DIS3L2: variants seen among roughly 807,000 people sequenced by gnomAD.
DIS3L2 encodes the protein DIS3-like exonuclease 2.
DIS3L2 carries 34 observed loss-of-function variants against 97.5 expected under a neutral mutation model. The ratio of observed to expected loss-of-function variants is 0.35; its 90% CI spans 0.27 to 0.46. The LOEUF is 0.46. DIS3L2 is among the 20% of genes least tolerant of loss of function. DIS3L2 has a pLI of 1.00. For missense variants in DIS3L2, 1,038 were observed against 1,146.0 expected (o/e 0.91, Z 1.36); for synonymous variants, 435 against 445.2 (o/e 0.98, Z 0.29).
Position 232,087,559 on chromosome 2 carries a change from G to T in DIS3L2, c.439G>T (p.Gly147Ter). ...ATCAGATATCCCCGAGGAGCTCTGTGGACACCATCTCCCGCAACAGTCCCT... is the reference window on the plus strand; with the variant it reads ...ATCAGATATCCCCGAGGAGCTCTGTTGACACCATCTCCCGCAACAGTCCCT... ...YESDIPEELC[G>*]HHLPQQSLKS... is the part of the protein sequence containing the mutation. Residue 147 changes from glycine (G) to a stop codon, truncating the protein, a stop_gained, in exon 6 of 21, where the codon GGA (glycine) becomes TGA (stop). Transcript: ENST00000325385. LOFTEE classifies it high-confidence loss of function. 1 of 1,614,058 alleles carries T rather than the reference G, an allele frequency of 6.2e-7. No individual in the cohort carries two copies.
chr2:232,100,079 A>G (rs1348067145), intron 6 of DIS3L2, among the ~76,000 whole-genome samples: 5 of 151,932 alleles, frequency 3.3e-5, no homozygotes, highest in African/African-American at 4.8e-5. Context: ...TCTGTTGCCC[A>G]GGCTGGAGTG....
At chr2:231,992,515 A>G (rs1413007470) in intron 1 of DIS3L2, among the ~76,000 whole-genome samples, 1 of 152,022 alleles carries the variant, frequency 6.6e-6, no homozygotes, top group Non-Finnish European at 1.5e-5. Flanking sequence ...TTTTGCTTCC[A>G]CCTTTCCCGC....
intron 7 of DIS3L2, chr2:232,130,980 T>C: frequency 7.2e-6 from 3 of 417,542 alleles, no homozygotes. Context: ...CTTTCTTGCT[T>C]AAACCACACT....
chr2:232,264,403 G>A (rs1402949889), intron 13 of DIS3L2, among the ~76,000 whole-genome samples: 1 of 152,250 alleles, frequency 6.6e-6, no homozygotes, highest in East Asian at 1.9e-4. Flanking sequence ...TGGGACTTAG[G>A]TAGCTGTCAC....
At chr2:232,316,998 G>A (rs758153583) in intron 14 of DIS3L2, among the ~76,000 whole-genome samples, 1 of 152,020 alleles carries the variant, frequency 6.6e-6, no homozygotes, top group African/African-American at 2.4e-5. Flanking sequence ...TAGTGTCATC[G>A]AGCTTAACTC....
intron 1 of DIS3L2, among the ~76,000 whole-genome samples, chr2:231,971,371 C>T (rs773030466): frequency 6.6e-6 from 1 of 151,790 alleles, no homozygotes; most frequent in Non-Finnish European, 1.5e-5. Context: ...CTCTGCCTCC[C>T]GGGTTCAAGT....
intron 1 of DIS3L2, among the ~76,000 whole-genome samples, chr2:231,988,830 T>C (rs540171475): frequency 6.6e-6 from 1 of 152,348 alleles, no homozygotes; most frequent in South Asian, 2.1e-4. Flanking sequence ...ACACAGAAGC[T>C]AGATTGATGT....
At chr2:231,995,794 T>C (rs1034464771) in intron 1 of DIS3L2, among the ~76,000 whole-genome samples, 3 of 152,204 alleles carry the variant, frequency 2.0e-5, no homozygotes, top group African/African-American at 7.2e-5. Context: ...AATAATTCAG[T>C]ATCAGGTGGT....
chr2:232,338,447 T>C (rs188994655), downstream of DIS3L2, among the ~76,000 whole-genome samples: 1 of 152,284 alleles, frequency 6.6e-6, no homozygotes, highest in Admixed American at 6.5e-5. Flanking sequence ...GAGCCTCACC[T>C]TCCGTGCTGG....
chr2:232,092,910 A>C (rs1231048856), intron 6 of DIS3L2, among the ~76,000 whole-genome samples: 2 of 152,112 alleles, frequency 1.3e-5, no homozygotes, highest in Admixed American at 6.6e-5. Context: ...TGCTCTAGCT[A>C]GGACTTCCAG....
chr2:232,076,246 T>G (rs1194022840), intron 5 of DIS3L2, among the ~76,000 whole-genome samples: 2 of 152,250 alleles, frequency 1.3e-5, no homozygotes, highest in African/African-American at 2.4e-5. Flanking sequence ...TTTCTCAGCT[T>G]AGATACCTCT....
intron 5 of DIS3L2, among the ~76,000 whole-genome samples, chr2:232,077,095 C>T (rs981543763): frequency 6.6e-6 from 1 of 152,152 alleles, no homozygotes; most frequent in South Asian, 2.1e-4. Context: ...GAGAGCCTCT[C>T]ATAGCTGCCC....
At chr2:232,027,998 A>C (rs1410886882) in intron 4 of DIS3L2, among the ~76,000 whole-genome samples, 5 of 152,158 alleles carry the variant, frequency 3.3e-5, no homozygotes, top group South Asian at 4.1e-4. Context: ...TAAATCTAAG[A>C]AGCTCTCTAA....
chr2:232,014,009 T>C (rs980560661), intron 1 of DIS3L2, among the ~76,000 whole-genome samples: 3 of 152,262 alleles, frequency 2.0e-5, no homozygotes, highest in Non-Finnish European at 4.4e-5. Flanking sequence ...TGATTCATTT[T>C]GTGGGAACTC....
At chr2:232,313,169 C>A (rs1009173727) in intron 14 of DIS3L2, among the ~76,000 whole-genome samples, 3 of 152,102 alleles carry the variant, frequency 2.0e-5, no homozygotes, top group Non-Finnish European at 4.4e-5. Flanking sequence ...TGTTCCTGAT[C>A]TCAAACAGAA....
At chr2:232,264,955 G>A (rs898915675) in intron 13 of DIS3L2, among the ~76,000 whole-genome samples, 1 of 152,238 alleles carries the variant, frequency 6.6e-6, no homozygotes, top group African/African-American at 2.4e-5. Flanking sequence ...TGAGAATGCT[G>A]ACAGGGAGAC....
intron 16 of DIS3L2, among the ~76,000 whole-genome samples, chr2:232,333,287 A>C (rs1453016471): frequency 2.6e-4 from 28 of 109,198 alleles, no homozygotes; most frequent in South Asian, 1.3e-3. Context: ...CTCTGCCTCC[A>C]CCTCTGCCAT....
At chr2:232,089,761 C>T (rs763193139) in intron 6 of DIS3L2, among the ~76,000 whole-genome samples, 6 of 152,132 alleles carry the variant, frequency 3.9e-5, no homozygotes, top group Non-Finnish European at 5.9e-5. Flanking sequence ...ATTGATCTCT[C>T]ATTAGTGGTT....
downstream of DIS3L2, among the ~76,000 whole-genome samples, chr2:232,338,267 C>T (rs953820144): frequency 6.6e-5 from 10 of 152,238 alleles, no homozygotes; most frequent in African/African-American, 1.9e-4. Context: ...GGGCCTCCCA[C>T]GAAGCATGGG....
Sources: gnomAD v4.1 joint callset for allele counts (sites outside exome capture counted in the v4.1 genomes callset) on GRCh38, gnomAD v4.1.1 for gene constraint, MANE v1.5 for transcripts, NCBI Gene and HGNC (gene_info 2026-07-23, HGNC 2026-07-21) for gene names.